Variants in ZRANB3 observed in about 807,000 individuals in gnomAD.
ZRANB3 encodes DNA annealing helicase and endonuclease ZRANB3.
Under a neutral mutation model 133.8 loss-of-function variants are expected in ZRANB3, and 125 were observed. That is an observed-to-expected ratio of 0.93 (90% CI 0.81 to 1.08). The LOEUF is 1.08. ZRANB3 is among the 50% of genes least tolerant of loss of function. The pLI is 0.00. For synonymous variants in ZRANB3, 387 were observed against 432.7 expected (o/e 0.89, Z 1.31); for missense variants, 1,229 against 1,275.5 (o/e 0.96, Z 0.56).
intron 2 of ZRANB3, among the ~76,000 whole-genome samples, chr2:135,453,882 GCCCAACTCTA>G (rs1690381364): frequency 6.6e-6 from 1 of 152,062 alleles, no homozygotes; most frequent in Non-Finnish European, 1.5e-5. Flanking sequence ...TTTCAGCAAC[GCCCAACTCTA>G]CTGATACCAA....
intron 12 of ZRANB3, among the ~76,000 whole-genome samples, chr2:135,233,942 A>G (rs1695162226): frequency 6.6e-6 from 1 of 152,364 alleles, no homozygotes; most frequent in Admixed American, 6.5e-5. Flanking sequence ...CACACATAAC[A>G]GTAATAACCT....
intron 2 of ZRANB3, among the ~76,000 whole-genome samples, chr2:135,446,038 C>G (rs1690006491): frequency 6.6e-6 from 1 of 151,564 alleles, no homozygotes; most frequent in Non-Finnish European, 1.5e-5. Flanking sequence ...AAGCCTGTCT[C>G]TACTAAAAAT....
At chr2:135,461,714 C>T (rs1395876327) in intron 2 of ZRANB3, among the ~76,000 whole-genome samples, 1 of 152,098 alleles carries the variant, frequency 6.6e-6, no homozygotes, top group African/African-American at 2.4e-5. Context: ...GACAGCTCTA[C>T]GTAGCATCGT....
chr2:135,375,439 A>T (rs1327897761), intron 3 of ZRANB3, among the ~76,000 whole-genome samples: 1 of 152,108 alleles, frequency 6.6e-6, no homozygotes, highest in African/African-American at 2.4e-5. Flanking sequence ...TAATCCCACC[A>T]CTTTGGGAGG....
intron 1 of ZRANB3, among the ~76,000 whole-genome samples, chr2:135,528,141 CTT>C (rs527625438): frequency 6.3e-5 from 9 of 142,056 alleles, no homozygotes; most frequent in Admixed American, 1.4e-4. Flanking sequence ...CCTTAAAGCT[CTT>C]TTTTTTTTTT....
At position 135,233,355 on chromosome 2, in the gene ZRANB3, T is replaced by C. The variant is rs995496027; in HGVS notation, c.1540-2428A>G. Among the ~76,000 whole-genome samples the C allele has an allele frequency of 1.2e-4, 19 of 152,322 alleles. No individual in the cohort carries two copies. The South Asian group carries it at 3.5e-3, about 28-fold the overall frequency. On this transcript the variant is annotated intron_variant, in intron 12 of 20. Coordinates refer to ENST00000264159, the MANE Select transcript of ZRANB3 (RefSeq NM_032143.4). ...AACTGATGGGGAGAATGGAACCAAG[T>C]TGGAAAACACTCTGCAGGATATTAT...
intron 2 of ZRANB3, among the ~76,000 whole-genome samples, chr2:135,451,283 C>T (rs1323547661): frequency 2.0e-5 from 3 of 152,096 alleles, no homozygotes; most frequent in East Asian, 1.9e-4. Flanking sequence ...AATTACTGGC[C>T]GGGTACGGTG....
chr2:135,392,827 G>A (rs1019959109), intron 2 of ZRANB3, among the ~76,000 whole-genome samples: 1 of 151,204 alleles, frequency 6.6e-6, no homozygotes, highest in African/African-American at 2.4e-5. Context: ...ACAGTTAAAT[G>A]AAAATGAAAT....
chr2:135,217,241 T>A (rs886238812), intron 17 of ZRANB3, among the ~76,000 whole-genome samples: 1 of 152,194 alleles, frequency 6.6e-6, no homozygotes, highest in Admixed American at 6.5e-5. Flanking sequence ...ATGGGACTCA[T>A]GGAGAGTAAG....
At chr2:135,218,119 CT>C (rs1440964967) in intron 16 of ZRANB3, among the ~76,000 whole-genome samples, 1 of 152,142 alleles carries the variant, frequency 6.6e-6, no homozygotes, top group Non-Finnish European at 1.5e-5. Flanking sequence ...GCCAAGAGAT[CT>C]TTTTCAAGCC....
intron 2 of ZRANB3, among the ~76,000 whole-genome samples, chr2:135,405,657 T>G (rs1687979828): frequency 6.6e-6 from 1 of 152,132 alleles, no homozygotes; most frequent in Non-Finnish European, 1.5e-5. Context: ...GAACTCAGGA[T>G]TAAGAAATTC....
intron 2 of ZRANB3, among the ~76,000 whole-genome samples, chr2:135,391,245 TTATAAG>T (rs951915703): frequency 6.6e-5 from 10 of 152,138 alleles, no homozygotes; most frequent in Admixed American, 2.6e-4. Flanking sequence ...AGAGAGGTGT[TTATAAG>T]TATGAGAACA....
At chr2:135,457,211 C>T (rs1690559153) in intron 2 of ZRANB3, among the ~76,000 whole-genome samples, 1 of 152,152 alleles carries the variant, frequency 6.6e-6, no homozygotes, top group Admixed American at 6.5e-5. Flanking sequence ...TTGTCCATGA[C>T]TATTTGGCTT....
At chr2:135,388,917 A>C (rs989738559) in intron 3 of ZRANB3, among the ~76,000 whole-genome samples, 6 of 152,098 alleles carry the variant, frequency 3.9e-5, no homozygotes, top group Non-Finnish European at 8.8e-5. Flanking sequence ...TCTTTACTAA[A>C]AATACAAAAA....
chr2:135,510,797 A>C (rs1358602258), intron 1 of ZRANB3: 4 of 827,922 alleles, frequency 4.8e-6, no homozygotes, highest in East Asian at 2.4e-5. Context: ...TCATCAAAAC[A>C]AAACCAAAAC....
intron 2 of ZRANB3, among the ~76,000 whole-genome samples, chr2:135,414,789 G>A (rs111855634): frequency 7.6e-4 from 116 of 152,182 alleles, no homozygotes; most frequent in African/African-American, 2.6e-3. Flanking sequence ...TAGAACTCAG[G>A]ATTAAGAATC....
At chr2:135,292,701 T>C (rs1263740516) in intron 8 of ZRANB3, among the ~76,000 whole-genome samples, 1 of 152,216 alleles carries the variant, frequency 6.6e-6, no homozygotes, top group Non-Finnish European at 1.5e-5. Context: ...TTGCCTAGGT[T>C]TTCTTCTAGG....
chr2:135,269,060 G>C lies in ZRANB3; in HGVS notation c.1288C>G (p.Arg430Gly). 1 of 1,612,736 alleles carries C rather than the reference G, an allele frequency of 6.2e-7. No individual in the cohort carries two copies. Among genetic ancestry groups the C allele is most frequent in the East Asian group, 2.2e-5 (1 of 44,776 alleles). Residue 430 changes from arginine to glycine, a missense_variant, in exon 11 of 21, where the codon CGA (arginine) becomes GGA (glycine). Coordinates refer to ENST00000264159, the MANE Select transcript of ZRANB3 (RefSeq NM_032143.4). ...DPGHIKQAED[R>G]AHRIGQCSSV... The stretch of plus-strand genomic sequence containing the variant: ...CTGCACTGGCCAATTCTGTGAGCTC[G>C]GTCTTCTGCTTGTTTTATATGTCCA...
intron 8 of ZRANB3, among the ~76,000 whole-genome samples, chr2:135,291,849 G>A (rs1400407261): frequency 6.6e-6 from 1 of 151,102 alleles, no homozygotes; most frequent in Non-Finnish European, 1.5e-5. Context: ...TGCGGTGTTT[G>A]GTTTTTTCTC....
Sources: gnomAD v4.1 joint callset for allele counts (sites outside exome capture counted in the v4.1 genomes callset) on GRCh38, gnomAD v4.1.1 for gene constraint, MANE v1.5 for transcripts, NCBI Gene and HGNC (gene_info 2026-07-23, HGNC 2026-07-21) for gene names.